Variants in RNF24 observed in about 807,000 individuals in gnomAD.
RNF24 encodes the protein ring finger protein 24.
A neutral mutation model predicts 20.0 loss-of-function variants in RNF24; 14 were observed. That is an observed-to-expected ratio of 0.70 (90% confidence interval 0.46 to 1.10). The LOEUF (loss-of-function observed/expected upper bound fraction) is 1.10, where lower values mean the gene tolerates loss of function less well. Ranked by LOEUF, RNF24 falls within the 50% of genes least tolerant of loss-of-function variation. The probability of loss-of-function intolerance (pLI) is 0.00; values close to 1 mark genes in which losing one functional copy is unlikely to be tolerated. For synonymous variants in RNF24, 45 were observed against 61.1 expected (o/e 0.74, Z 1.23); for missense variants, 124 against 177.6 (o/e 0.70, Z 1.71).
chr20:4,004,429 C>A (rs1024039653), intron 1 of RNF24, among the ~76,000 whole-genome samples: 22 of 151,964 alleles, frequency 1.4e-4, no homozygotes, highest in Admixed American at 2.6e-4. Context: ...TGAATGGTGG[C>A]CCTCAAAAAG....
intron 1 of RNF24, 48 bp from the exon 2 acceptor site, chr20:3,964,072 C>G (rs1384523354): frequency 6.4e-7 from 1 of 1,553,342 alleles, no homozygotes; most frequent in Non-Finnish European, 8.8e-7. Flanking sequence ...AGACTAAGAA[C>G]CAAGACAGCA....
chr20:3,936,006 G>A (rs1455909825), intron 4 of RNF24, among the ~76,000 whole-genome samples: 1 of 152,138 alleles, frequency 6.6e-6, no homozygotes, highest in Non-Finnish European at 1.5e-5. Flanking sequence ...ACCATTTCTA[G>A]CCTGGACTGT....
At chr20:4,010,341 C>T (rs1439011640) in intron 1 of RNF24, among the ~76,000 whole-genome samples, 1 of 152,130 alleles carries the variant, frequency 6.6e-6, no homozygotes, top group African/African-American at 2.4e-5. Flanking sequence ...CCACTGTACT[C>T]CAGCCTAGGT....
intron 4 of RNF24, among the ~76,000 whole-genome samples, chr20:3,937,157 A>G (rs1193920980): frequency 6.6e-6 from 1 of 152,174 alleles, no homozygotes; most frequent in Non-Finnish European, 1.5e-5. Context: ...GTTACTATTA[A>G]TGGTATAATG....
intron 2 of RNF24, among the ~76,000 whole-genome samples, chr20:3,955,051 C>A (rs2091127093): frequency 6.6e-6 from 1 of 152,132 alleles, no homozygotes. Flanking sequence ...ATTACAGCAT[C>A]CTAGTAGGTG....
intron 1 of RNF24, among the ~76,000 whole-genome samples, chr20:4,013,763 G>A (rs1982653941): frequency 1.3e-5 from 2 of 152,286 alleles, no homozygotes; most frequent in South Asian, 4.1e-4. Flanking sequence ...GGGATTACAG[G>A]TGTGAGCCAC....
intron 1 of RNF24, among the ~76,000 whole-genome samples, chr20:3,987,736 T>C (rs1212161312): frequency 6.6e-6 from 1 of 152,196 alleles, no homozygotes; most frequent in Non-Finnish European, 1.5e-5. Context: ...ATTCTCATAA[T>C]ATTTAAAGAG....
At chr20:4,000,350 C>T (rs1285129057) in intron 1 of RNF24, among the ~76,000 whole-genome samples, 1 of 151,934 alleles carries the variant, frequency 6.6e-6, no homozygotes, top group African/African-American at 2.4e-5. Flanking sequence ...ATGGTGAAAC[C>T]CTGTCTCTAC....
rs1449258695 is a variant in RNF24, at chr20:3,931,223, A to G, written c.*2840T>C. On this transcript the variant is annotated 3_prime_UTR_variant, in exon 6 of 6. Coordinates refer to ENST00000358395, the MANE Select transcript of RNF24 (RefSeq NM_001134337.3). The stretch of plus-strand genomic sequence containing the variant: ...ACATTCTATCTTTGAGCTGCTTAAG[A>G]AACACACAAAGGATACCAGCCAGTG... 6.6e-6 allele frequency: 1 copy of G among 152,216 alleles called. No individual in the cohort carries two copies. The highest frequency in any genetic ancestry group is 1.5e-5 in the Non-Finnish European group (1 of 68,074). The allele number at this position is 152,216 out of a possible 1,614,324, so 9.4% of individuals were successfully genotyped here. A position where few individuals can be genotyped will look rare whatever the true frequency, so the allele number is the denominator to read the frequency against.
At chr20:3,987,657 A>C (rs116262533) in intron 1 of RNF24, among the ~76,000 whole-genome samples, 1,718 of 152,340 alleles carry the variant, frequency 0.011, 39 homozygotes, top group African/African-American at 0.04. Flanking sequence ...ATTCTTAAAA[A>C]TTTGGTGTTT....
At position 3,933,464 on chromosome 20, in the gene RNF24, G is replaced by C; in HGVS notation, c.*599C>G. On this transcript the variant is annotated 3_prime_UTR_variant, in exon 6 of 6. Coordinates refer to ENST00000358395, the MANE Select transcript of RNF24 (RefSeq NM_001134337.3). Reference sequence around the variant, plus strand: ...TTTCCAAGCGCATCTCATGTTTTCAGCTTAGATGATTTGATAGCAGGTGTT... The same window carrying C: ...TTTCCAAGCGCATCTCATGTTTTCACCTTAGATGATTTGATAGCAGGTGTT... 3.1e-6 allele frequency: 1 copy of C among 321,640 alleles called. No homozygotes were observed. Among genetic ancestry groups the C allele is most frequent in the Non-Finnish European group, 5.6e-6 (1 of 178,000 alleles). The allele number at this position is 321,640 out of a possible 1,614,324, so 19.9% of individuals were successfully genotyped here.
At chr20:3,964,100 T>C (rs1417134857) in intron 1 of RNF24, 76 bp from the exon 2 acceptor site, 24 of 1,295,880 alleles carry the variant, frequency 1.9e-5, no homozygotes, top group South Asian at 1.4e-5. Context: ...TGTGCACGTA[T>C]AGAGGCACAA....
rs186072765 is a variant in RNF24, at chr20:3,957,824, G to A, written c.143+6051C>T. ...AGATATCTAAAAAGTATTTAAGAAG[G>A]CATGATTAACAATGCTGAACAGTGC... is the stretch of plus-strand genomic sequence containing the variant. On this transcript the variant is annotated intron_variant, in intron 2 of 5. Coordinates refer to ENST00000358395, the MANE Select transcript of RNF24 (RefSeq NM_001134337.3). Among the ~76,000 whole-genome samples, 65 of 152,184 alleles carry A rather than the reference G, an allele frequency of 4.3e-4. 1 individual carries two copies. The highest frequency in any genetic ancestry group is 1.5e-3 in the African/African-American group (63 of 41,508).
rs1295970168 is a variant in RNF24, at chr20:3,931,331, CTT to C, written c.*2730_*2731del. On this transcript the variant is annotated 3_prime_UTR_variant, in exon 6 of 6. Transcript: ENST00000358395. ...CTGAAGATAGATGCGGAAAGGGTGACTTTACCATGGGGTTCGAGTCTGAGCCA... is the reference window on the plus strand; with the variant it reads ...CTGAAGATAGATGCGGAAAGGGTGACTACCATGGGGTTCGAGTCTGAGCCA... The C allele has an allele frequency of 6.6e-6, 1 of 152,180 alleles. No homozygotes were observed. Among genetic ancestry groups the C allele is most frequent in the Non-Finnish European group, 1.5e-5 (1 of 68,044 alleles). 9.4% of individuals were successfully genotyped at this position (152,180 alleles called of 1,614,324 possible).
At chr20:3,979,109 CA>C (rs1979167108) in intron 1 of RNF24, among the ~76,000 whole-genome samples, 1 of 149,050 alleles carries the variant, frequency 6.7e-6, no homozygotes, top group African/African-American at 2.4e-5. Context: ...AAAAAAAACC[CA>C]AAACAAATAA....
At chr20:3,958,424 C>T (rs2091165881) in intron 2 of RNF24, among the ~76,000 whole-genome samples, 4 of 152,138 alleles carry the variant, frequency 2.6e-5, no homozygotes, top group Admixed American at 2.6e-4. Context: ...TCCTTGTATC[C>T]ACTTTCACCT....
At chr20:4,005,554 C>T (rs1981794764) in intron 1 of RNF24, among the ~76,000 whole-genome samples, 1 of 152,276 alleles carries the variant, frequency 6.6e-6, no homozygotes, top group Non-Finnish European at 1.5e-5. Flanking sequence ...TTCCCACAAA[C>T]TACATTAACT....
chr20:3,974,139 A>G (rs999816504), intron 1 of RNF24, among the ~76,000 whole-genome samples: 1 of 151,890 alleles, frequency 6.6e-6, no homozygotes, highest in Non-Finnish European at 1.5e-5. Flanking sequence ...ATATTAACTG[A>G]TTTAAAAAAA....
chr20:3,962,629 T>C (rs947083605), intron 2 of RNF24, among the ~76,000 whole-genome samples: 2 of 151,224 alleles, frequency 1.3e-5, no homozygotes, highest in African/African-American at 4.9e-5. Context: ...ACAGTTACTT[T>C]ACACAGTGCT....
Sources: gnomAD v4.1 joint callset for allele counts (sites outside exome capture counted in the v4.1 genomes callset) on GRCh38, gnomAD v4.1.1 for gene constraint, MANE v1.5 for transcripts, NCBI Gene and HGNC (gene_info 2026-07-23, HGNC 2026-07-21) for gene names.